ELMO1: variants seen among roughly 807,000 people sequenced by gnomAD.
The protein encoded by ELMO1 is engulfment and cell motility 1.
Under a neutral mutation model 98.9 loss-of-function variants are expected in ELMO1, and 26 were observed. That is an observed-to-expected ratio of 0.26 (90% CI 0.19 to 0.36). The LOEUF is 0.36. ELMO1 is among the 10% of genes least tolerant of loss of function. ELMO1 has a pLI of 1.00. For missense variants in ELMO1, 627 were observed against 935.2 expected, an observed-to-expected ratio of 0.67 and a Z score of 4.30; for synonymous variants, 346 against 346.0, an observed-to-expected ratio of 1.00 and a Z score of 0.00.
intron 13 of ELMO1, among the ~76,000 whole-genome samples, chr7:37,143,973 A>T (rs1787817982): frequency 6.6e-6 from 1 of 151,976 alleles, no homozygotes; most frequent in African/African-American, 2.4e-5. Flanking sequence ...GGCCTCCCAA[A>T]GTGCTGGGAT....
chr7:37,345,333 T>C (rs1010003939), intron 1 of ELMO1, among the ~76,000 whole-genome samples: 42 of 152,250 alleles, frequency 2.8e-4, no homozygotes, highest in African/African-American at 9.4e-4. Flanking sequence ...CTGAAGCCTG[T>C]GCCTCTACCA....
chr7:37,286,543 TG>T (rs1360207381), intron 4 of ELMO1, among the ~76,000 whole-genome samples: 1 of 152,184 alleles, frequency 6.6e-6, no homozygotes, highest in African/African-American at 2.4e-5. Flanking sequence ...CACTGGACAC[TG>T]CTAATAAAGC....
At chr7:37,360,421 AT>A (rs71798014) in intron 1 of ELMO1, among the ~76,000 whole-genome samples, 48,305 of 144,598 alleles carry the variant, frequency 0.33, 8,236 homozygotes, top group African/African-American at 0.38. Flanking sequence ...CTTAACTGAA[AT>A]TTTAAAAAAA....
intron 1 of ELMO1, among the ~76,000 whole-genome samples, chr7:37,343,554 T>G (rs151039699): frequency 6.6e-4 from 95 of 144,980 alleles, no homozygotes; most frequent in Admixed American, 1.8e-3. Context: ...CAATTTTGGC[T>G]CACTGCAACC....
intron 15 of ELMO1, among the ~76,000 whole-genome samples, chr7:37,092,915 C>CTTT (rs79327023): frequency 0.011 from 1,528 of 137,020 alleles, 25 homozygotes; most frequent in African/African-American, 0.039. Flanking sequence ...CTTTCTTTTT[C>CTTT]TTTTTTTTTT....
At chr7:37,147,521 T>C (rs1477121975) in intron 13 of ELMO1, among the ~76,000 whole-genome samples, 1 of 152,108 alleles carries the variant, frequency 6.6e-6, no homozygotes, top group African/African-American at 2.4e-5. Context: ...TCCCTGAAAA[T>C]GTTCTGAAAC....
At chr7:37,351,472 G>A (rs1211940455) in intron 1 of ELMO1, among the ~76,000 whole-genome samples, 4 of 152,142 alleles carry the variant, frequency 2.6e-5, no homozygotes, top group Admixed American at 2.0e-4. Context: ...ATGGGGAAAG[G>A]TCATCCACAA....
chr7:37,241,081 T>C (rs986362462), intron 7 of ELMO1, among the ~76,000 whole-genome samples: 5 of 152,150 alleles, frequency 3.3e-5, no homozygotes, highest in Admixed American at 6.5e-5. Flanking sequence ...CTGATGGGTT[T>C]GCCTCTTTTT....
intron 5 of ELMO1, among the ~76,000 whole-genome samples, chr7:37,262,522 T>A (rs1235928009): frequency 6.6e-6 from 1 of 152,218 alleles, no homozygotes; most frequent in Non-Finnish European, 1.5e-5. Context: ...GAGAATGATG[T>A]GTTCTGTTGG....
chr7:37,009,235 T>C (rs1191648716), intron 16 of ELMO1, among the ~76,000 whole-genome samples: 1 of 152,218 alleles, frequency 6.6e-6, no homozygotes, highest in Non-Finnish European at 1.5e-5. Flanking sequence ...TTAGCTCTTC[T>C]CTAATGCCCA....
At chr7:37,065,601 C>T (rs1584589461) in intron 15 of ELMO1, among the ~76,000 whole-genome samples, 1 of 152,124 alleles carries the variant, frequency 6.6e-6, no homozygotes. Flanking sequence ...TCTGTTCTTC[C>T]CACTCCAAAT....
At chr7:37,111,240 A>G (rs1454290317) in intron 14 of ELMO1, among the ~76,000 whole-genome samples, 1 of 152,214 alleles carries the variant, frequency 6.6e-6, no homozygotes, top group Non-Finnish European at 1.5e-5. Flanking sequence ...GACTGGACAC[A>G]TGACTCACCC....
At chr7:37,351,796 A>G (rs922373820) in intron 1 of ELMO1, among the ~76,000 whole-genome samples, 1 of 152,228 alleles carries the variant, frequency 6.6e-6, no homozygotes, top group Non-Finnish European at 1.5e-5. Flanking sequence ...GACTGAAGTT[A>G]CACACTCTAA....
chr7:37,352,406 G>C (rs1339454358), intron 1 of ELMO1, among the ~76,000 whole-genome samples: 1 of 152,210 alleles, frequency 6.6e-6, no homozygotes, highest in Admixed American at 6.5e-5. Context: ...TGGGCTCTAC[G>C]CCGTTCTTTT....
chr7:37,008,722 C>A (rs1793326291), intron 16 of ELMO1, among the ~76,000 whole-genome samples: 1 of 152,134 alleles, frequency 6.6e-6, no homozygotes, highest in Non-Finnish European at 1.5e-5. Context: ...ACATAGAGCT[C>A]TGGAATAGCA....
intron 13 of ELMO1, among the ~76,000 whole-genome samples, chr7:37,135,339 A>C (rs1445896252): frequency 1.3e-5 from 2 of 152,220 alleles, no homozygotes; most frequent in Admixed American, 1.3e-4. Context: ...TGTTCCAAGA[A>C]CAACCGCAGG....
intron 21 of ELMO1, among the ~76,000 whole-genome samples, chr7:36,861,171 T>A (rs185154173): frequency 1.6e-3 from 238 of 152,326 alleles, no homozygotes; most frequent in Non-Finnish European, 1.9e-3. Flanking sequence ...AAACAAATTA[T>A]ACATATAACA....
intron 4 of ELMO1, among the ~76,000 whole-genome samples, chr7:37,284,471 C>A (rs1797290993): frequency 6.6e-6 from 1 of 152,152 alleles, no homozygotes; most frequent in Non-Finnish European, 1.5e-5. Flanking sequence ...CACGGCAGAG[C>A]TTGGCCCTTA....
intron 16 of ELMO1, among the ~76,000 whole-genome samples, chr7:36,908,300 T>C (rs111657854): frequency 1.1e-3 from 173 of 152,300 alleles, no homozygotes; most frequent in African/African-American, 3.7e-3. Flanking sequence ...ACAACCACCA[T>C]TTTCCTTCTT....
Sources: allele counts gnomAD v4.1 joint callset (sites outside exome capture counted in the v4.1 genomes callset), GRCh38; gene constraint gnomAD v4.1.1; transcripts MANE v1.5; gene names NCBI Gene and HGNC (gene_info 2026-07-23, HGNC 2026-07-21).